CARMIL1: variants seen among roughly 807,000 people sequenced by gnomAD.
CARMIL1 encodes the protein F-actin-uncapping protein LRRC16A.
A neutral mutation model predicts 177.1 loss-of-function variants in CARMIL1; 90 were observed. The observed-to-expected ratio is 0.51, with a 90% confidence interval of 0.43 to 0.61. The LOEUF (loss-of-function observed/expected upper bound fraction) is 0.61. Among genes scored for constraint, CARMIL1 ranks in the 20% least tolerant of loss-of-function variants. CARMIL1 has a pLI of 0.00. For synonymous variants in CARMIL1, 577 were observed against 606.2 expected (o/e 0.95, Z 0.71); for missense variants, 1,380 against 1,667.0 (o/e 0.83, Z 3.00).
chr6:25,459,233 T>TCTTC (rs1463440826), intron 8 of CARMIL1, among the ~76,000 whole-genome samples: 3 of 91,318 alleles, frequency 3.3e-5, no homozygotes, highest in African/African-American at 1.2e-4. Flanking sequence ...TTTCTTTCTT[T>TCTTC]CTTTCTTTCT....
chr6:25,536,410 G>T (rs1808306691), intron 24 of CARMIL1, among the ~76,000 whole-genome samples: 1 of 152,084 alleles, frequency 6.6e-6, no homozygotes, highest in Non-Finnish European at 1.5e-5. Context: ...TTTAGGCAGA[G>T]AATTTGATGT....
intron 29 of CARMIL1, among the ~76,000 whole-genome samples, chr6:25,567,733 GACTCC>G (rs1278607401): frequency 1.3e-5 from 2 of 152,182 alleles, no homozygotes; most frequent in East Asian, 3.8e-4. Flanking sequence ...ACTAGTGCAT[GACTCC>G]ACTCCACATT....
intron 29 of CARMIL1, among the ~76,000 whole-genome samples, chr6:25,565,506 G>A (rs1811477470): frequency 6.6e-6 from 1 of 152,190 alleles, no homozygotes; most frequent in Non-Finnish European, 1.5e-5. Flanking sequence ...TGCCTCTTTA[G>A]TTCTATCAGC....
intron 27 of CARMIL1, among the ~76,000 whole-genome samples, chr6:25,553,453 C>A (rs1367369862): frequency 6.6e-6 from 1 of 152,172 alleles, no homozygotes; most frequent in East Asian, 1.9e-4. Flanking sequence ...GGCACCAGAA[C>A]TGCAAATTTT....
chr6:25,497,123 G>T (rs1028498311), intron 16 of CARMIL1, among the ~76,000 whole-genome samples: 3 of 152,160 alleles, frequency 2.0e-5, no homozygotes, highest in Admixed American at 2.0e-4. Context: ...TGAAGATTGT[G>T]TAAATAAAAT....
At chr6:25,576,896 C>G in intron 29 of CARMIL1, 1 of 631,388 alleles carries the variant, frequency 1.6e-6, no homozygotes, top group Non-Finnish European at 2.0e-6. Flanking sequence ...TGGTATCCCT[C>G]TCCCTCCCCT....
At chr6:25,340,788 T>G (rs1159953622) in intron 2 of CARMIL1, among the ~76,000 whole-genome samples, 3 of 146,910 alleles carry the variant, frequency 2.0e-5, no homozygotes, top group African/African-American at 7.5e-5. Flanking sequence ...TTTTTTTTTT[T>G]TTTTTTTTTT....
chr6:25,290,710 G>GTTTTGTTTACCTATTCTC (rs1486003424), intron 2 of CARMIL1, among the ~76,000 whole-genome samples: 1 of 152,062 alleles, frequency 6.6e-6, no homozygotes, highest in African/African-American at 2.4e-5. Context: ...GAACTATTCT[G>GTTTTGTTTACCTATTCTC]TTTTGTTTAC....
intron 23 of CARMIL1, among the ~76,000 whole-genome samples, chr6:25,520,559 T>TA (rs1806452509): frequency 6.6e-6 from 1 of 152,126 alleles, no homozygotes; most frequent in Non-Finnish European, 1.5e-5. Flanking sequence ...TTAAGTGGAA[T>TA]AAAAAAACAT....
At chr6:25,299,206 T>C (rs1317298271) in intron 2 of CARMIL1, among the ~76,000 whole-genome samples, 1 of 150,042 alleles carries the variant, frequency 6.7e-6, no homozygotes, top group Non-Finnish European at 1.5e-5. Flanking sequence ...AGTCTCACTC[T>C]GTTGTCCAGG....
At chr6:25,528,725 G>C (rs1157299077) in intron 23 of CARMIL1, 70 bp from the exon 24 acceptor site, 1 of 1,165,958 alleles carries the variant, frequency 8.6e-7, no homozygotes, top group Non-Finnish European at 1.3e-6. Context: ...GCAACTGACT[G>C]TTTCACTTAT....
At position 25,619,580 on chromosome 6, in the gene CARMIL1, G is replaced by A. The variant is rs750462614; in HGVS notation, c.4113G>A (p.Val1371=). ...GEEAEKEFIF[V] is the part of the protein sequence containing the mutation. ...AAGCAGAAAAAGAGTTTATTTTTGT[G>A]TAAAGGTCACCCACGCAGAAGTCTT... The change falls in exon 37 of 37, where the codon GTG becomes GTA. Residue 1371 remains valine (V), a synonymous_variant. Transcript: ENST00000329474. The A allele has an allele frequency of 6.2e-7, 1 of 1,613,404 alleles. No individual in the cohort carries two copies.
At chr6:25,343,509 C>T (rs1787169096) in intron 2 of CARMIL1, among the ~76,000 whole-genome samples, 1 of 152,106 alleles carries the variant, frequency 6.6e-6, no homozygotes, top group African/African-American at 2.4e-5. Context: ...CTCCACCAAT[C>T]TCTACTTGAC....
At chr6:25,344,758 C>T (rs781292524) in intron 2 of CARMIL1, among the ~76,000 whole-genome samples, 4 of 152,120 alleles carry the variant, frequency 2.6e-5, no homozygotes, top group South Asian at 4.1e-4. Flanking sequence ...CACCTGCCTG[C>T]GTCTGTGCCC....
At chr6:25,616,596 TGCATACATACAC>T (rs921777549) in intron 36 of CARMIL1, among the ~76,000 whole-genome samples, 1 of 152,298 alleles carries the variant, frequency 6.6e-6, no homozygotes, top group Admixed American at 6.5e-5. Flanking sequence ...AATGCTTGCA[TGCATACATACAC>T]GCATACATAC....
chr6:25,486,831 G>T (rs1237460014), intron 12 of CARMIL1, among the ~76,000 whole-genome samples: 1 of 152,048 alleles, frequency 6.6e-6, no homozygotes, highest in African/African-American at 2.4e-5. Flanking sequence ...ACCCTGCCTG[G>T]TACACAGTAG....
Position 25,596,061 on chromosome 6 carries a change from C to T in CARMIL1, c.3119+1534C>T, listed in dbSNP as rs575780073. Among the ~76,000 whole-genome samples, 3 of 152,234 alleles carry T rather than the reference C, an allele frequency of 2.0e-5. No individual in the cohort carries two copies. In the East Asian group the frequency reaches 5.8e-4, roughly 29 times the overall value. On this transcript the variant is annotated intron_variant, in intron 32 of 36. Coordinates refer to ENST00000329474, the MANE Select transcript of CARMIL1 (RefSeq NM_017640.6). ...GTTAGTGAGGTGGTTTATAAGCATT[C>T]GATCCGAACTGTACATATTGTTATA...
At chr6:25,490,730 TAAATAAATAAATAAATAAATAAA>T (rs1562208738) in intron 13 of CARMIL1, among the ~76,000 whole-genome samples, 1 of 131,296 alleles carries the variant, frequency 7.6e-6, no homozygotes, top group African/African-American at 3.1e-5. Flanking sequence ...AATAAATAAA[TAAATAAATAAATAAATAAATAAA>T]AAAAAATAAA....
At chr6:25,475,273 A>G (rs575023467) in intron 11 of CARMIL1, among the ~76,000 whole-genome samples, 2 of 152,126 alleles carry the variant, frequency 1.3e-5, no homozygotes, top group East Asian at 3.9e-4. Context: ...GCGTGGTGGC[A>G]GGCACCTGTA....
Sources: allele counts gnomAD v4.1 joint callset (sites outside exome capture counted in the v4.1 genomes callset), GRCh38; gene constraint gnomAD v4.1.1; transcripts MANE v1.5; gene names NCBI Gene and HGNC (gene_info 2026-07-23, HGNC 2026-07-21).